The following PROM1 variants were observed in gnomAD, a reference collection of about 807,000 sequenced individuals.
PROM1 encodes the protein prominin 1, also known as prominin-1.
Under a neutral mutation model 116.9 loss-of-function variants are expected in PROM1, and 105 were observed. The observed-to-expected ratio is 0.90, with a 90% CI of 0.77 to 1.06. PROM1 has a LOEUF of 1.06. PROM1 is among the 50% of genes least tolerant of loss of function. PROM1 has a pLI of 0.00. For synonymous variants in PROM1, 393 were observed against 387.0 expected, an observed-to-expected ratio of 1.02 and a Z score of -0.18; for missense variants, 1,122 against 1,045.2, an observed-to-expected ratio of 1.07 and a Z score of -1.01.
chr4:15,986,768 TA>T (rs1719523690), intron 20 of PROM1, among the ~76,000 whole-genome samples: 1 of 152,120 alleles, frequency 6.6e-6, no homozygotes, highest in Non-Finnish European at 1.5e-5. Context: ...TGGAGCAGAG[TA>T]AATCTAAACA....
Position 15,992,247 on chromosome 4 carries a change from C to T in PROM1, c.1911+1G>A. 1 of 1,613,766 alleles carries T rather than the reference C, an allele frequency of 6.2e-7. No homozygotes were observed. The highest frequency in any genetic ancestry group is 8.5e-7 in the Non-Finnish European group (1 of 1,179,806). On this transcript the variant is annotated splice_donor_variant, in intron 17 of 27. Coordinates refer to ENST00000447510, the MANE Select transcript of PROM1 (RefSeq NM_006017.3). LOFTEE classifies it high-confidence loss of function. ...ATCAAGCATGAACACATGCGCCATA[C>T]CTGAGCCAAGTAGCTGTCATAATTC...
intron 3 of PROM1, among the ~76,000 whole-genome samples, chr4:16,036,710 C>G (rs1734023545): frequency 6.6e-6 from 1 of 152,224 alleles, no homozygotes; most frequent in Non-Finnish European, 1.5e-5. Context: ...ACGACTTGCC[C>G]TGGAGTCATT....
intron 22 of PROM1, among the ~76,000 whole-genome samples, chr4:15,985,199 T>C (rs1170618801): frequency 6.6e-6 from 1 of 152,182 alleles, no homozygotes; most frequent in Non-Finnish European, 1.5e-5. Flanking sequence ...ATAAGTAATC[T>C]AGAGAGATTT....
chr4:16,045,605 C>G (rs1004019752), intron 2 of PROM1, among the ~76,000 whole-genome samples: 1 of 152,160 alleles, frequency 6.6e-6, no homozygotes, highest in African/African-American at 2.4e-5. Context: ...ATCCTGTCAG[C>G]TTTGACTAAA....
Position 16,051,094 on chromosome 4 carries a change from T to C in PROM1, c.221-12093A>G, listed in dbSNP as rs1006574566. ...AGTAAAGACTTACTAGAGCAGATAATATGTGAGCTGCGTCTTAAAAGAAGA... is the reference window on the plus strand; with the variant it reads ...AGTAAAGACTTACTAGAGCAGATAACATGTGAGCTGCGTCTTAAAAGAAGA... On this transcript the variant is annotated intron_variant, in intron 2 of 27. Transcript: ENST00000447510. Among the ~76,000 whole-genome samples, 8 of 152,144 alleles carry C rather than the reference T, an allele frequency of 5.3e-5. No individual in the cohort carries two copies. The East Asian group carries it at 5.8e-4, about 11-fold the overall frequency.
At chr4:16,024,007 C>T (rs1376431539) in intron 7 of PROM1, among the ~76,000 whole-genome samples, 2 of 152,192 alleles carry the variant, frequency 1.3e-5, no homozygotes, top group African/African-American at 4.8e-5. Flanking sequence ...AACAATCTTT[C>T]CCTCACGAAG....
intron 12 of PROM1, 56 bp from the exon 13 acceptor site, chr4:16,006,746 C>CA: frequency 6.4e-7 from 1 of 1,560,840 alleles, no homozygotes; most frequent in Non-Finnish European, 8.7e-7. Context: ...CACCCTAACA[C>CA]AAAAGCTGCT....
chr4:16,043,159 T>C (rs1366243935), intron 2 of PROM1, among the ~76,000 whole-genome samples: 3 of 152,146 alleles, frequency 2.0e-5, no homozygotes, highest in Non-Finnish European at 4.4e-5. Context: ...TTAAAGCGGA[T>C]CTGAGACCCA....
At chr4:16,056,327 G>A (rs747047255) in intron 2 of PROM1, among the ~76,000 whole-genome samples, 2 of 152,088 alleles carry the variant, frequency 1.3e-5, no homozygotes, top group Non-Finnish European at 2.9e-5. Context: ...GCAGGACTGT[G>A]GGTGCTCACA....
chr4:16,004,919 CTTCCTTCCTTCCTCTT>C (rs1182906191), intron 13 of PROM1, among the ~76,000 whole-genome samples: 21 of 119,456 alleles, frequency 1.8e-4, no homozygotes, highest in Non-Finnish European at 3.5e-4. Context: ...TCCTTCCTTC[CTTCCTTCCTTCCTCTT>C]TCTTTTTTTC....
chr4:16,052,714 C>G (rs570378379), intron 2 of PROM1, among the ~76,000 whole-genome samples: 1 of 152,312 alleles, frequency 6.6e-6, no homozygotes, highest in East Asian at 1.9e-4. Flanking sequence ...CTCTTGGGCT[C>G]AAGTGATCCG....
intron 1 of PROM1, chr4:16,076,782 C>G (rs552752286): frequency 1.1e-4 from 19 of 169,586 alleles, no homozygotes; most frequent in Non-Finnish European, 2.2e-4. Flanking sequence ...TAATCTATAA[C>G]CTTACCCCCA....
chr4:16,020,189 G>C (rs1327269718), intron 8 of PROM1, among the ~76,000 whole-genome samples: 1 of 152,112 alleles, frequency 6.6e-6, no homozygotes, highest in Admixed American at 6.5e-5. Context: ...AGAGACCTGG[G>C]GAGGCTTCCA....
At chr4:16,032,421 A>T (rs1011845420) in intron 5 of PROM1, among the ~76,000 whole-genome samples, 1 of 151,998 alleles carries the variant, frequency 6.6e-6, no homozygotes, top group Non-Finnish European at 1.5e-5. Context: ...CCTGAATATC[A>T]CTTCCTTAGT....
chr4:16,073,143 G>T (rs568304828), intron 2 of PROM1, among the ~76,000 whole-genome samples: 1 of 152,230 alleles, frequency 6.6e-6, no homozygotes, highest in East Asian at 1.9e-4. Context: ...TATATCGGCT[G>T]TATCTGGCCA....
chr4:15,969,763 G>C (rs1713940699), intron 27 of PROM1, among the ~76,000 whole-genome samples: 1 of 149,630 alleles, frequency 6.7e-6, no homozygotes, highest in Admixed American at 6.7e-5. Context: ...TTTTAGTAGA[G>C]ATGGGGTTTC....
At chr4:16,000,727 T>C (rs1577945340) in intron 13 of PROM1, 108 bp from the exon 14 acceptor site, 1 of 975,420 alleles carries the variant, frequency 1.0e-6, no homozygotes, top group Admixed American at 3.2e-5. Flanking sequence ...GGGTCTTCAG[T>C]GTTATTCAGG....
At chr4:15,986,595 G>A (rs1280252034) in intron 20 of PROM1, among the ~76,000 whole-genome samples, 1 of 152,084 alleles carries the variant, frequency 6.6e-6, no homozygotes, top group African/African-American at 2.4e-5. Context: ...TAACCCCCTT[G>A]GCTGGGCCCC....
At chr4:16,061,889 T>A (rs1380716096) in intron 2 of PROM1, among the ~76,000 whole-genome samples, 1 of 3,612 alleles carries the variant, frequency 2.8e-4, no homozygotes, top group Non-Finnish European at 6.8e-4. Flanking sequence ...ACAAATTTCC[T>A]TTTTTTTTTT....
Sources: allele counts gnomAD v4.1 joint callset (sites outside exome capture counted in the v4.1 genomes callset), GRCh38; gene constraint gnomAD v4.1.1; transcripts MANE v1.5; gene names NCBI Gene and HGNC (gene_info 2026-07-23, HGNC 2026-07-21).